Variants in MICU3 observed in about 807,000 individuals in gnomAD.
MICU3 encodes mitochondrial calcium uptake 3, also known as calcium uptake protein 3, mitochondrial.
Under a neutral mutation model 66.5 loss-of-function variants are expected in MICU3, and 62 were observed. The ratio of observed to expected loss-of-function variants is 0.93; its 90% confidence interval spans 0.76 to 1.15. MICU3 has a LOEUF of 1.15. Ranked by LOEUF, MICU3 falls within the 50% of genes most tolerant of loss-of-function variation. The pLI is 0.00. For synonymous variants in MICU3, 308 were observed against 240.7 expected, an observed-to-expected ratio of 1.28 and a Z score of -2.59; for missense variants, 779 against 664.4, an observed-to-expected ratio of 1.17 and a Z score of -1.90.
chr8:17,087,656 C>T (rs1035606003), intron 7 of MICU3, among the ~76,000 whole-genome samples: 3 of 151,982 alleles, frequency 2.0e-5, no homozygotes, highest in Admixed American at 6.6e-5. Flanking sequence ...ATACTAGGTG[C>T]TTTCCATACA....
chr8:17,047,443 A>G (rs1815276960), intron 1 of MICU3, among the ~76,000 whole-genome samples: 1 of 152,248 alleles, frequency 6.6e-6, no homozygotes, highest in Non-Finnish European at 1.5e-5. Flanking sequence ...GAAAGGCAGT[A>G]TCCCAAGAGA....
chr8:17,062,660 G>T (rs939625251), intron 1 of MICU3, among the ~76,000 whole-genome samples: 1 of 151,994 alleles, frequency 6.6e-6, no homozygotes, highest in Middle Eastern at 3.2e-3. Context: ...TATAAAATAC[G>T]TGAAAGTATA....
intron 9 of MICU3, among the ~76,000 whole-genome samples, chr8:17,100,087 G>A (rs1411000754): frequency 1.3e-5 from 2 of 151,732 alleles, no homozygotes; most frequent in South Asian, 2.1e-4. Context: ...CAGCTTCCCA[G>A]AGCTAATTAA....
intron 1 of MICU3, among the ~76,000 whole-genome samples, chr8:17,041,724 G>C (rs1814136630): frequency 1.3e-5 from 2 of 152,070 alleles, no homozygotes; most frequent in South Asian, 4.1e-4. Flanking sequence ...AAAAATTAAA[G>C]CCCAAGGAAA....
rs1803217348 is a variant in MICU3, at chr8:17,121,829, T to G, written c.*1542T>G. On this transcript the variant is annotated 3_prime_UTR_variant, in exon 15 of 15. Coordinates refer to ENST00000318063, the MANE Select transcript of MICU3 (RefSeq NM_181723.3). ...TATTCATAAGTTCAAGGATCCCATA[T>G]AGTATAAGAATATAATTTCACTTGC... The G allele has an allele frequency of 6.6e-6, 1 of 151,892 alleles. No individual in the cohort carries two copies. Among genetic ancestry groups the G allele is most frequent in the African/African-American group, 2.4e-5 (1 of 41,438 alleles). 9.4% of individuals were successfully genotyped at this position (151,892 alleles called of 1,614,324 possible). A position where few individuals can be genotyped will look rare whatever the true frequency, so the allele number is the denominator to read the frequency against.
At chr8:17,102,594 T>C (rs1267121780) in intron 9 of MICU3, 1 of 151,984 alleles carries the variant, frequency 6.6e-6, no homozygotes. Flanking sequence ...CTTAAAGTTC[T>C]GGGGACAGTA....
At chr8:17,088,940 A>G (rs1038912877) in intron 7 of MICU3, among the ~76,000 whole-genome samples, 4 of 152,012 alleles carry the variant, frequency 2.6e-5, no homozygotes, top group African/African-American at 7.2e-5. Context: ...TCTGAATTAT[A>G]TAATCTAAAT....
chr8:17,103,408 A>G (rs992354888), intron 9 of MICU3, among the ~76,000 whole-genome samples: 8 of 151,948 alleles, frequency 5.3e-5, no homozygotes, highest in African/African-American at 1.9e-4. Context: ...GTTCTGGACA[A>G]AAAGCTAAAA....
At chr8:17,056,695 C>G (rs971327070) in intron 1 of MICU3, among the ~76,000 whole-genome samples, 4 of 152,174 alleles carry the variant, frequency 2.6e-5, no homozygotes, top group African/African-American at 9.7e-5. Context: ...TGGTCAGAGT[C>G]TAAGGTATGC....
intron 1 of MICU3, among the ~76,000 whole-genome samples, chr8:17,059,457 G>C (rs1208635280): frequency 1.3e-5 from 2 of 152,072 alleles, no homozygotes; most frequent in Non-Finnish European, 2.9e-5. Flanking sequence ...AAAGTCAAGA[G>C]TGCTTAATAT....
At chr8:17,033,489 G>A (rs1812433711) in intron 1 of MICU3, among the ~76,000 whole-genome samples, 1 of 151,928 alleles carries the variant, frequency 6.6e-6, no homozygotes, top group Non-Finnish European at 1.5e-5. Context: ...AGGCTGGAGT[G>A]CAGTGGCGTG....
chr8:17,104,518 A>C (rs1801562093), intron 10 of MICU3, 27 bp downstream of exon 10: 1 of 1,207,212 alleles, frequency 8.3e-7, no homozygotes, highest in African/African-American at 1.5e-5. Context: ...ATTTTTATTA[A>C]AAATTATTAG....
chr8:17,049,511 T>C, intron 1 of MICU3: 1 of 495,066 alleles, frequency 2.0e-6, no homozygotes, highest in South Asian at 1.5e-5. Context: ...GTGGGCTTAG[T>C]ATTTATTTGT....
At chr8:17,126,516 C>T (rs1459492144), downstream of MICU3, among the ~76,000 whole-genome samples, 2 of 152,118 alleles carry the variant, frequency 1.3e-5, no homozygotes, top group African/African-American at 4.8e-5. Context: ...TCTGGAAGTA[C>T]CCACAAGGAA....
intron 11 of MICU3, among the ~76,000 whole-genome samples, chr8:17,109,808 C>A (rs1319256172): frequency 6.6e-6 from 1 of 151,804 alleles, no homozygotes; most frequent in East Asian, 1.9e-4. Flanking sequence ...TAGATAGTGA[C>A]CAGAAGGGAT....
intron 9 of MICU3, among the ~76,000 whole-genome samples, chr8:17,099,580 T>C (rs1024112385): frequency 5.3e-5 from 8 of 151,818 alleles, no homozygotes; most frequent in African/African-American, 1.9e-4. Flanking sequence ...GTCTGTGATA[T>C]ATAAATGTGA....
At chr8:17,046,867 A>G (rs1375236176) in intron 1 of MICU3, among the ~76,000 whole-genome samples, 1 of 152,090 alleles carries the variant, frequency 6.6e-6, no homozygotes, top group Non-Finnish European at 1.5e-5. Flanking sequence ...ATACCACCTC[A>G]TGTGGGCTCA....
chr8:17,127,198 C>G (rs952367095), downstream of MICU3, among the ~76,000 whole-genome samples: 1 of 152,166 alleles, frequency 6.6e-6, no homozygotes, highest in African/African-American at 2.4e-5. Flanking sequence ...CTATGAAAAG[C>G]ACCCTGAAAA....
intron 2 of MICU3, among the ~76,000 whole-genome samples, chr8:17,066,516 TC>T (rs1293809824): frequency 1.7e-5 from 1 of 57,184 alleles, no homozygotes; most frequent in Non-Finnish European, 4.2e-5. Flanking sequence ...TTGTTAATAA[TC>T]TATATATATA....
Sources: allele counts gnomAD v4.1 joint callset (sites outside exome capture counted in the v4.1 genomes callset), GRCh38; gene constraint gnomAD v4.1.1; transcripts MANE v1.5; gene names NCBI Gene and HGNC (gene_info 2026-07-23, HGNC 2026-07-21).